SMYD3: variants seen among roughly 807,000 people sequenced by gnomAD.
SMYD3 encodes the protein histone-lysine N-methyltransferase SMYD3.
A neutral mutation model predicts 57.7 loss-of-function variants in SMYD3; 36 were observed. That is an observed-to-expected ratio of 0.62 (90% confidence interval 0.48 to 0.82). The LOEUF is 0.82. Ranked by LOEUF, SMYD3 falls within the 40% of genes least tolerant of loss-of-function variation. SMYD3 has a pLI of 0.00. For synonymous variants in SMYD3, 211 were observed against 195.0 expected (o/e 1.08, Z -0.68); for missense variants, 515 against 538.8 (o/e 0.96, Z 0.44).
rs368517259 is a variant in SMYD3 at position 245,864,493 on chromosome 1, A to G, written c.814-607T>C. Among the ~76,000 whole-genome samples, 7 of 152,346 alleles carry G rather than the reference A, an allele frequency of 4.6e-5. No homozygotes were observed. The South Asian group carries it at 1.5e-3, about 32-fold the overall frequency. The stretch of plus-strand genomic sequence containing the variant: ...AACATGGATGAGGCTTGAATACGTT[A>G]CGCTAAGCGAGAAGCCAATCACAAA... On this transcript the variant is annotated intron_variant, in intron 8 of 11. Transcript: ENST00000490107.
chr1:246,052,987 A>T (rs1292877562), intron 5 of SMYD3: 3 of 152,412 alleles, frequency 2.0e-5, no homozygotes, highest in Non-Finnish European at 4.4e-5. Context: ...CTATAATCCC[A>T]GTACTTTGTG....
intron 5 of SMYD3, among the ~76,000 whole-genome samples, chr1:245,940,017 T>C (rs991995665): frequency 6.6e-6 from 1 of 152,184 alleles, no homozygotes; most frequent in Non-Finnish European, 1.5e-5. Context: ...GCATAGCGGC[T>C]ATGGCAAATC....
chr1:246,252,372 A>G (rs2063811869), intron 5 of SMYD3, among the ~76,000 whole-genome samples: 1 of 152,240 alleles, frequency 6.6e-6, no homozygotes, highest in South Asian at 2.1e-4. Flanking sequence ...GTACAACTAC[A>G]GGTACCGTAC....
rs577849066 is a variant in SMYD3 at position 246,021,868 on chromosome 1, C to T, written c.532-91931G>A. Among the ~76,000 whole-genome samples, 60 of 152,320 alleles carry T rather than the reference C, an allele frequency of 3.9e-4. 1 individual carries two copies. The highest frequency in any genetic ancestry group is 1.3e-3 in the African/African-American group (56 of 41,572). Reference sequence around the variant, plus strand: ...CAATGTGATATTGAGCATAGGATATCAGCAGCTCACTTCGTGGGTTCTGTG... The same window carrying T: ...CAATGTGATATTGAGCATAGGATATTAGCAGCTCACTTCGTGGGTTCTGTG... On this transcript the variant is annotated intron_variant, in intron 5 of 11. Coordinates refer to ENST00000490107, the MANE Select transcript of SMYD3 (RefSeq NM_001167740.2).
intron 5 of SMYD3, among the ~76,000 whole-genome samples, chr1:246,257,408 C>T (rs1270692272): frequency 1.3e-5 from 2 of 152,140 alleles, no homozygotes; most frequent in Admixed American, 6.5e-5. Flanking sequence ...TAATGCCTTT[C>T]TTTGTCCTTT....
intron 5 of SMYD3, among the ~76,000 whole-genome samples, chr1:246,088,216 G>T (rs2060752559): frequency 6.6e-6 from 1 of 151,614 alleles, no homozygotes; most frequent in Non-Finnish European, 1.5e-5. Flanking sequence ...ATCAAAACAA[G>T]GACACACACA....
intron 1 of SMYD3, among the ~76,000 whole-genome samples, chr1:246,430,682 A>G (rs1338988992): frequency 1.3e-5 from 2 of 152,206 alleles, no homozygotes; most frequent in East Asian, 3.8e-4. Flanking sequence ...TATGGAATCC[A>G]CAGAAAGATC....
At chr1:246,161,141 A>T (rs1480994200) in intron 5 of SMYD3, among the ~76,000 whole-genome samples, 1 of 152,116 alleles carries the variant, frequency 6.6e-6, no homozygotes, top group Non-Finnish European at 1.5e-5. Context: ...CCTCATTTGC[A>T]GAGTCCTCTA....
At chr1:246,170,376 A>T in intron 5 of SMYD3, among the ~76,000 whole-genome samples, 1 of 148,208 alleles carries the variant, frequency 6.7e-6, no homozygotes, top group Non-Finnish European at 1.5e-5. Context: ...CTTTACATTT[A>T]TTTATAATTC....
At chr1:246,053,730 G>A (rs762683540) in intron 5 of SMYD3, among the ~76,000 whole-genome samples, 46 of 151,956 alleles carry the variant, frequency 3.0e-4, no homozygotes, top group Middle Eastern at 3.4e-3. Flanking sequence ...CAAGAGGATC[G>A]CTTTAGCCTG....
intron 5 of SMYD3, among the ~76,000 whole-genome samples, chr1:246,232,909 T>TTCAGTCGA (rs2063438209): frequency 1.8e-4 from 20 of 113,004 alleles, no homozygotes; most frequent in African/African-American, 5.2e-4. Context: ...GAAGCACTCC[T>TTCAGTCGA]CAATTCACAC....
At chr1:246,266,322 C>G (rs2064105995) in intron 5 of SMYD3, among the ~76,000 whole-genome samples, 1 of 152,094 alleles carries the variant, frequency 6.6e-6, no homozygotes. Context: ...TTCATCCTAC[C>G]AGGACCAACT....
intron 3 of SMYD3, 76 bp from the exon 4 acceptor site, chr1:246,330,613 T>C: frequency 8.0e-7 from 1 of 1,256,468 alleles, no homozygotes; most frequent in Non-Finnish European, 1.1e-6. Flanking sequence ...TTGAGTACCT[T>C]TGTATATTTA....
At chr1:246,173,767 C>A (rs1381753043) in intron 5 of SMYD3, among the ~76,000 whole-genome samples, 8 of 152,026 alleles carry the variant, frequency 5.3e-5, no homozygotes, top group Admixed American at 4.6e-4. Flanking sequence ...TCTGGAATAC[C>A]TCCTAAAGGA....
At chr1:245,963,700 T>A (rs893719378) in intron 5 of SMYD3, among the ~76,000 whole-genome samples, 8 of 152,296 alleles carry the variant, frequency 5.3e-5, no homozygotes, top group African/African-American at 1.9e-4. Flanking sequence ...CAGAGAATTA[T>A]GTTCTTAACA....
rs144100637 is a variant in SMYD3 at position 245,906,805 on chromosome 1, T to C, written c.813+8725A>G. Among the ~76,000 whole-genome samples the C allele has an allele frequency of 5.4e-3, 822 of 152,320 alleles. 8 individuals carry two copies. Among genetic ancestry groups the C allele is most frequent in the African/African-American group, 0.019 (778 of 41,576 alleles). On this transcript the variant is annotated intron_variant, in intron 8 of 11. Transcript: ENST00000490107. ...GTACATATACACAATGGAGTACTATTCAGCCAGAAAAAAATGAGATCCAGT... is the reference window on the plus strand; with the variant it reads ...GTACATATACACAATGGAGTACTATCCAGCCAGAAAAAAATGAGATCCAGT...
At chr1:245,814,963 G>A (rs1412429458) in intron 10 of SMYD3, among the ~76,000 whole-genome samples, 2 of 152,046 alleles carry the variant, frequency 1.3e-5, no homozygotes, top group Non-Finnish European at 2.9e-5. Flanking sequence ...AACAAAGACA[G>A]CTGTCCATTG....
At chr1:246,505,699 C>G (rs1053650735) in intron 1 of SMYD3, among the ~76,000 whole-genome samples, 1 of 152,162 alleles carries the variant, frequency 6.6e-6, no homozygotes, top group Admixed American at 6.5e-5. Context: ...ATGAATGAGA[C>G]TAATGAAATA....
At chr1:245,937,014 AAAT>A (rs1270310927) in intron 5 of SMYD3, among the ~76,000 whole-genome samples, 2 of 152,222 alleles carry the variant, frequency 1.3e-5, no homozygotes, top group Non-Finnish European at 2.9e-5. Flanking sequence ...GTCAAGTAAA[AAAT>A]AAAATAATAA....
Sources: gnomAD v4.1 joint callset for allele counts (sites outside exome capture counted in the v4.1 genomes callset) on GRCh38, gnomAD v4.1.1 for gene constraint, MANE v1.5 for transcripts, NCBI Gene and HGNC (gene_info 2026-07-23, HGNC 2026-07-21) for gene names.